NANOG: variants seen among roughly 807,000 people sequenced by gnomAD.
NANOG encodes the protein Nanog homeobox, also known as homeobox protein NANOG.
In NANOG, 2 loss-of-function variants were observed where a neutral mutation model predicts 17.7. The observed-to-expected ratio is 0.11, with a 90% CI of 0.05 to 0.36. The LOEUF (loss-of-function observed/expected upper bound fraction) is 0.36, where lower values mean the gene tolerates loss of function less well. NANOG is among the 10% of genes least tolerant of loss of function. The pLI, the probability that NANOG is intolerant of heterozygous loss-of-function variation, is 1.00. For synonymous variants in NANOG, 81 were observed against 124.7 expected, an observed-to-expected ratio of 0.65 and a Z score of 2.33; for missense variants, 174 against 362.1, an observed-to-expected ratio of 0.48 and a Z score of 4.22.
intron 2 of NANOG, among the ~76,000 whole-genome samples, chr12:7,793,542 A>T (rs1241787621): frequency 7.2e-5 from 11 of 152,168 alleles, no homozygotes; most frequent in Non-Finnish European, 1.6e-4. Flanking sequence ...GTTCTCATTA[A>T]AATAAAAACT....
rs1344197716 is a variant in NANOG at position 7,797,983 on chromosome 12, TA to T, written c.*2890del. 6.6e-6 allele frequency: 1 copy of T among 151,820 alleles called. No individual in the cohort carries two copies. Among genetic ancestry groups the T allele is most frequent in the Non-Finnish European group, 1.5e-5 (1 of 68,032 alleles). The allele number at this position is 151,820 out of a possible 1,614,324, so 9.4% of individuals were successfully genotyped here. A position where few individuals can be genotyped will look rare whatever the true frequency, so the allele number is the denominator to read the frequency against. The stretch of plus-strand genomic sequence containing the variant: ...TATGTTTTCTGAACTTTTTTTTTTT[TA>T]ATCACCCAGTATTAATCTTCAACCT... On this transcript the variant is annotated 3_prime_UTR_variant, in exon 4 of 4. Transcript: ENST00000229307.
Position 7,789,758 on chromosome 12 carries a change from G to A in NANOG, c.144G>A (p.Thr48=), listed in dbSNP as rs2377097. 86 of 1,608,704 alleles carry A rather than the reference G, an allele frequency of 5.3e-5. No individual in the cohort carries two copies. The highest frequency in any genetic ancestry group is 6.7e-5 in the Admixed American group (4 of 59,822). The change falls in exon 1 of 4, where the codon ACG becomes ACA. Residue 48 remains threonine (T), a synonymous_variant. Transcript: ENST00000229307. ...LQMSSAEMPH[T]ETVSPLPSSM... ...TGTCTTCTGCTGAGATGCCTCACAC[G>A]GAGACTGGTAAGAAAGAAATTTATC... is the stretch of plus-strand genomic sequence containing the variant.
chr12:7,792,152 C>T (rs1197224084), intron 1 of NANOG, among the ~76,000 whole-genome samples: 1 of 152,178 alleles, frequency 6.6e-6, no homozygotes, highest in East Asian at 1.9e-4. Context: ...ACCTTGGCCT[C>T]CCAAAGTGTT....
At position 7,798,087 on chromosome 12, in the gene NANOG, GATT is replaced by G. The variant is rs1266454410; in HGVS notation, c.*2994_*2996del. 1 of 152,082 alleles carries G rather than the reference GATT, an allele frequency of 6.6e-6. No homozygotes were observed. The highest frequency in any genetic ancestry group is 1.9e-4 in the East Asian group (1 of 5,196). 9.4% of individuals were successfully genotyped at this position (152,082 alleles called of 1,614,324 possible). ...TAATAACTACAGTCAAAAGCAGTAAGATTAGTGGGCCAGGTGCCGTGGCTCACA... is the reference window on the plus strand; with the variant it reads ...TAATAACTACAGTCAAAAGCAGTAAGAGTGGGCCAGGTGCCGTGGCTCACA... On this transcript the variant is annotated 3_prime_UTR_variant, in exon 4 of 4. Transcript: ENST00000229307.
chr12:7,798,526 G>A lies in NANOG; in HGVS notation c.*3431G>A, dbSNP rs867303394. The A allele has an allele frequency of 6.0e-4, 91 of 152,208 alleles. No homozygotes were observed. The highest frequency in any genetic ancestry group is 3.4e-3 in the Middle Eastern group (1 of 294). 9.4% of individuals were successfully genotyped at this position (152,208 alleles called of 1,614,324 possible). On this transcript the variant is annotated 3_prime_UTR_variant, in exon 4 of 4. Coordinates refer to ENST00000229307, the MANE Select transcript of NANOG (RefSeq NM_024865.4). ...ATTTTAGTAGCTTTACCATATTTTA[G>A]TTTTTAAAATTCATTATTTTGATTT...
chr12:7,790,267 A>G (rs1452544323), intron 1 of NANOG, among the ~76,000 whole-genome samples: 1 of 152,222 alleles, frequency 6.6e-6, no homozygotes, highest in African/African-American at 2.4e-5. Flanking sequence ...TTTCTATGTC[A>G]GTAACGGCTG....
chr12:7,795,804 A>C lies in NANOG; in HGVS notation c.*709A>C, dbSNP rs1305518895. The stretch of plus-strand genomic sequence containing the variant: ...GGGAGGCTTTGCTTATTTTTTAAAA[A>C]CTATTGAGGTAAAGGGTTAAGCTGT... On this transcript the variant is annotated 3_prime_UTR_variant, in exon 4 of 4. Coordinates refer to ENST00000229307, the MANE Select transcript of NANOG (RefSeq NM_024865.4). The C allele has an allele frequency of 2.0e-5, 3 of 146,682 alleles. No individual in the cohort carries two copies. The South Asian group carries it at 6.8e-4, about 33-fold the overall frequency. The allele number at this position is 146,682 out of a possible 1,614,324, so 9.1% of individuals were successfully genotyped here.
At chr12:7,794,405 A>T (rs1321852421) in intron 2 of NANOG, 52 bp from the exon 3 acceptor site, 9 of 1,487,402 alleles carry the variant, frequency 6.1e-6, no homozygotes, top group African/African-American at 1.4e-5. Flanking sequence ...CTTTGATTCA[A>T]AGTACCTCTG....
At chr12:7,790,354 C>T (rs150641231) in intron 1 of NANOG, among the ~76,000 whole-genome samples, 117 of 152,244 alleles carry the variant, frequency 7.7e-4, no homozygotes, top group African/African-American at 2.5e-3. Flanking sequence ...GTCTAATTCT[C>T]CTAAGTCCTG....
Position 7,789,764 on chromosome 12 carries a change from T to A in NANOG, c.150T>A (p.Thr50=). Reference sequence around the variant, plus strand: ...CTGCTGAGATGCCTCACACGGAGACTGGTAAGAAAGAAATTTATCCTTGAA... The same window carrying A: ...CTGCTGAGATGCCTCACACGGAGACAGGTAAGAAAGAAATTTATCCTTGAA... The part of the protein sequence containing the change: ...MSSAEMPHTE[T]VSPLPSSMDL... Residue 50 remains threonine, a splice_region_variant and synonymous_variant, in exon 1 of 4, where the codon ACT becomes ACA. Coordinates refer to ENST00000229307, the MANE Select transcript of NANOG (RefSeq NM_024865.4). 1 of 1,612,762 alleles carries A rather than the reference T, an allele frequency of 6.2e-7. No homozygotes were observed. The highest frequency in any genetic ancestry group is 8.5e-7 in the Non-Finnish European group (1 of 1,179,980).
At chr12:7,791,852 A>G (rs534334490) in intron 1 of NANOG, among the ~76,000 whole-genome samples, 5 of 152,230 alleles carry the variant, frequency 3.3e-5, no homozygotes, top group South Asian at 2.1e-4. Context: ...CCGGATTCAC[A>G]TATCCTGCTG....
chr12:7,790,118 A>AGC (rs372800882), intron 1 of NANOG, among the ~76,000 whole-genome samples: 2 of 152,242 alleles, frequency 1.3e-5, no homozygotes, highest in East Asian at 3.8e-4. Flanking sequence ...TGCTGGACAC[A>AGC]TGTGAATAAA....
chr12:7,789,454 C>T lies in NANOG; in HGVS notation c.-161C>T, dbSNP rs1269654081. On this transcript the variant is annotated 5_prime_UTR_variant, in exon 1 of 4. Coordinates refer to ENST00000229307, the MANE Select transcript of NANOG (RefSeq NM_024865.4). ...CGTTCTGCTGGACTGAGCTGGTTGC[C>T]TCATGTTATTATGCAGGCAACTCAC... is the stretch of plus-strand genomic sequence containing the variant. 13 of 627,592 alleles carry T rather than the reference C, an allele frequency of 2.1e-5. No individual in the cohort carries two copies. The highest frequency in any genetic ancestry group is 1.5e-4 in the African/African-American group (8 of 54,280). The allele number at this position is 627,592 out of a possible 1,614,324, so 38.9% of individuals were successfully genotyped here.
intron 1 of NANOG, 55 bp from the exon 2 acceptor site, chr12:7,792,895 A>G (rs768706111): frequency 6.6e-7 from 1 of 1,512,592 alleles, no homozygotes; most frequent in African/African-American, 1.4e-5. Context: ...TTTAAAGGAT[A>G]TTTTAATATT....
In NANOG at chr12:7,794,540, G is replaced by A. The variant is rs759258513; in HGVS notation, c.498G>A (p.Thr166=). 9.3e-6 allele frequency: 15 copies of A among 1,613,128 alleles called. No homozygotes were observed. The highest frequency in any genetic ancestry group is 8.9e-5 in the East Asian group (4 of 44,886). ...GGCCGAAGAATAGCAATGGTGTGAC[G>A]CAGGTAACAGGAAACTTCATTCTGT... ...NNWPKNSNGV[T]QKASAPTYPS... Residue 166 remains threonine, a synonymous_variant, in exon 3 of 4, where the codon ACG becomes ACA. Transcript: ENST00000229307.
intron 2 of NANOG, among the ~76,000 whole-genome samples, chr12:7,793,448 G>A (rs1481296098): frequency 2.6e-5 from 4 of 152,084 alleles, no homozygotes; most frequent in African/African-American, 9.7e-5. Flanking sequence ...GACCAATATT[G>A]TGAAAATCTT....
At chr12:7,793,848 T>A (rs111734739) in intron 2 of NANOG, among the ~76,000 whole-genome samples, 4,829 of 152,074 alleles carry the variant, frequency 0.032, 179 homozygotes, top group East Asian at 0.1. Flanking sequence ...TTCAAGGGAT[T>A]CTCCTGCCTC....
intron 3 of NANOG, 21 bp from the exon 4 acceptor site, chr12:7,794,658 T>G (rs970822257): frequency 6.2e-7 from 1 of 1,611,234 alleles, no homozygotes; most frequent in African/African-American, 1.3e-5. Flanking sequence ...CCCTTTCTGT[T>G]AATCCCTCCT....
chr12:7,790,439 C>T (rs1190442664), intron 1 of NANOG, among the ~76,000 whole-genome samples: 1 of 152,098 alleles, frequency 6.6e-6, no homozygotes, highest in Non-Finnish European at 1.5e-5. Context: ...CAGAATGTAG[C>T]TAGAAGTCCA....
Sources: gnomAD v4.1 joint callset for allele counts (sites outside exome capture counted in the v4.1 genomes callset) on GRCh38, gnomAD v4.1.1 for gene constraint, MANE v1.5 for transcripts, NCBI Gene and HGNC (gene_info 2026-07-23, HGNC 2026-07-21) for gene names.